STK24: variants seen among roughly 807,000 people sequenced by gnomAD.
The protein encoded by STK24 is serine/threonine-protein kinase 24.
In STK24, 21 loss-of-function variants were observed where a neutral mutation model predicts 55.6. The observed-to-expected ratio is 0.38, with a 90% confidence interval of 0.27 to 0.54. The LOEUF (loss-of-function observed/expected upper bound fraction) is 0.54, where lower values mean the gene tolerates loss of function less well. Ranked by LOEUF, STK24 falls within the 20% of genes least tolerant of loss-of-function variation. The pLI is 0.79. For synonymous variants in STK24, 200 were observed against 215.2 expected, an observed-to-expected ratio of 0.93 and a Z score of 0.62; for missense variants, 383 against 538.4, an observed-to-expected ratio of 0.71 and a Z score of 2.86.
chr13:98,540,899 T>C (rs1461016531), intron 1 of STK24, among the ~76,000 whole-genome samples: 4 of 151,604 alleles, frequency 2.6e-5, no homozygotes, highest in South Asian at 4.2e-4. Context: ...ACAGGACCCA[T>C]TTAAGATTAA....
intron 2 of STK24, among the ~76,000 whole-genome samples, chr13:98,495,643 G>A (rs1413790670): frequency 6.6e-6 from 1 of 152,174 alleles, no homozygotes; most frequent in African/African-American, 2.4e-5. Context: ...GCTTTCTTCA[G>A]TTACACTAGG....
chr13:98,572,049 C>T (rs1897756704), intron 1 of STK24, among the ~76,000 whole-genome samples: 1 of 152,228 alleles, frequency 6.6e-6, no homozygotes, highest in Non-Finnish European at 1.5e-5. Context: ...CTCTTCAGCT[C>T]CAGGACCGAT....
chr13:98,488,876 A>T (rs867165370), intron 2 of STK24, among the ~76,000 whole-genome samples: 1 of 152,346 alleles, frequency 6.6e-6, no homozygotes, highest in Middle Eastern at 3.4e-3. Flanking sequence ...CAGGAATTCG[A>T]AACTGCAACT....
chr13:98,572,598 A>C (rs1021437400), intron 1 of STK24, among the ~76,000 whole-genome samples: 2 of 152,184 alleles, frequency 1.3e-5, no homozygotes, highest in Non-Finnish European at 2.9e-5. Flanking sequence ...CCATGTTCCC[A>C]GACTGGCCAT....
At chr13:98,486,818 A>T (rs1894825871) in intron 2 of STK24, among the ~76,000 whole-genome samples, 1 of 152,220 alleles carries the variant, frequency 6.6e-6, no homozygotes, top group Non-Finnish European at 1.5e-5. Context: ...AAACTCCTGC[A>T]GCAGGAAGAC....
rs1051403819 is a variant in STK24 at position 98,451,140 on chromosome 13, T to C, written c.*2033A>G. The stretch of plus-strand genomic sequence containing the variant: ...TTCAGTGCTAAAAACTGTGATGTCA[T>C]TGTCCATTTGTAAATCTGAAGAACT... On this transcript the variant is annotated 3_prime_UTR_variant, in exon 11 of 11. Transcript: ENST00000539966. The C allele has an allele frequency of 6.6e-6, 1 of 152,306 alleles. No individual in the cohort carries two copies. Among genetic ancestry groups the C allele is most frequent in the East Asian group, 1.9e-4 (1 of 5,186 alleles). 9.4% of individuals were successfully genotyped at this position (152,306 alleles called of 1,614,324 possible).
rs1448646332 is a variant in STK24 at position 98,448,639 on chromosome 13, C to G, written c.*4534G>C. 1 of 256,822 alleles carries G rather than the reference C, an allele frequency of 3.9e-6. No homozygotes were observed. Among genetic ancestry groups the G allele is most frequent in the Non-Finnish European group, 7.4e-6 (1 of 134,632 alleles). 15.9% of individuals were successfully genotyped at this position (256,822 alleles called of 1,614,324 possible). ...GAAAAACAGTACACACACATCCGTT[C>G]AACACAAGACAGGGCAAGTGTTTTT... On this transcript the variant is annotated 3_prime_UTR_variant, in exon 11 of 11. Transcript: ENST00000539966.
At chr13:98,542,862 T>A in intron 1 of STK24, 1 of 985,276 alleles carries the variant, frequency 1.0e-6, no homozygotes, top group Non-Finnish European at 1.2e-6. Flanking sequence ...CCGTAAGAGG[T>A]CAGTTGAAAT....
At chr13:98,536,869 G>A (rs1047538656) in intron 1 of STK24, among the ~76,000 whole-genome samples, 1 of 105,952 alleles carries the variant, frequency 9.4e-6, no homozygotes, top group Non-Finnish European at 2.1e-5. Flanking sequence ...ACACTCCTCC[G>A]CCTGTCCTCC....
chr13:98,479,036 G>A (rs1894490068), intron 3 of STK24, among the ~76,000 whole-genome samples: 1 of 152,208 alleles, frequency 6.6e-6, no homozygotes. Flanking sequence ...AGCAGCCCCT[G>A]ACACGCGGGA....
chr13:98,487,479 C>T (rs1894851777), intron 2 of STK24, among the ~76,000 whole-genome samples: 1 of 152,118 alleles, frequency 6.6e-6, no homozygotes, highest in African/African-American at 2.4e-5. Context: ...CTCCCTCCCA[C>T]CCTGGGCCCC....
rs139209762 is a variant in STK24, at chr13:98,520,891, C to T, written c.43-1418G>A. Among the ~76,000 whole-genome samples, 239 of 152,396 alleles carry T rather than the reference C, an allele frequency of 1.6e-3. 1 individual carries two copies. Among genetic ancestry groups the T allele is most frequent in the African/African-American group, 5.5e-3 (229 of 41,598 alleles). On this transcript the variant is annotated intron_variant, in intron 1 of 10. Transcript: ENST00000539966. ...TCCTGCACACAGGGGCGCAGAGCCCCTGCCCCATGTTTGTTTGAGGCTGCA... is the reference window on the plus strand; with the variant it reads ...TCCTGCACACAGGGGCGCAGAGCCCTTGCCCCATGTTTGTTTGAGGCTGCA...
chr13:98,484,863 C>T (rs1894747050), intron 2 of STK24, among the ~76,000 whole-genome samples: 1 of 152,164 alleles, frequency 6.6e-6, no homozygotes, highest in African/African-American at 2.4e-5. Context: ...GGAGAAATAA[C>T]ACAGCCTTCC....
At chr13:98,501,358 C>G (rs1895454715) in intron 2 of STK24, among the ~76,000 whole-genome samples, 1 of 152,184 alleles carries the variant, frequency 6.6e-6, no homozygotes, top group African/African-American at 2.4e-5. Flanking sequence ...CCTCGGCTAG[C>G]CAGGGGTGGG....
chr13:98,484,056 C>T (rs1289039578), intron 2 of STK24, among the ~76,000 whole-genome samples: 1 of 152,256 alleles, frequency 6.6e-6, no homozygotes, highest in Non-Finnish European at 1.5e-5. Context: ...GAGGGACAGG[C>T]ATGTCGCTCA....
At chr13:98,535,155 C>T (rs977507375) in intron 1 of STK24, among the ~76,000 whole-genome samples, 3 of 152,032 alleles carry the variant, frequency 2.0e-5, no homozygotes, top group Non-Finnish European at 4.4e-5. Flanking sequence ...TCAAGACCAG[C>T]CTGACCAGCG....
chr13:98,526,518 C>T (rs565053367), intron 1 of STK24, among the ~76,000 whole-genome samples: 1 of 152,218 alleles, frequency 6.6e-6, no homozygotes, highest in South Asian at 2.1e-4. Context: ...TGGCAGAGGG[C>T]GGTGGAGGGG....
intron 3 of STK24, among the ~76,000 whole-genome samples, chr13:98,478,346 G>GA (rs1894462183): frequency 6.6e-6 from 1 of 152,258 alleles, no homozygotes; most frequent in Admixed American, 6.5e-5. Flanking sequence ...GCCACAACAA[G>GA]AAACCACATT....
chr13:98,521,914 C>A, intron 1 of STK24: 1 of 1,017,108 alleles, frequency 9.8e-7, no homozygotes, highest in South Asian at 1.3e-5. Context: ...CTTCCATTCA[C>A]CCCTCTCTGC....
Sources: allele counts gnomAD v4.1 joint callset (sites outside exome capture counted in the v4.1 genomes callset), GRCh38; gene constraint gnomAD v4.1.1; transcripts MANE v1.5; gene names NCBI Gene and HGNC (gene_info 2026-07-23, HGNC 2026-07-21).